NRXN1: variants seen among roughly 807,000 people sequenced by gnomAD.
NRXN1 encodes the protein neurexin-1.
NRXN1 carries 39 observed loss-of-function variants against 150.9 expected under a neutral mutation model. That is an observed-to-expected ratio of 0.26 (90% CI 0.20 to 0.34). The LOEUF (loss-of-function observed/expected upper bound fraction) is 0.34. Ranked by LOEUF, NRXN1 falls within the 10% of genes least tolerant of loss-of-function variation. The pLI is 1.00. For synonymous variants in NRXN1, 924 were observed against 757.0 expected (o/e 1.22, Z -3.62); for missense variants, 1,815 against 1,949.9 (o/e 0.93, Z 1.30).
chr2:50,485,292 C>G (rs1301055495), intron 15 of NRXN1, among the ~76,000 whole-genome samples: 1 of 152,124 alleles, frequency 6.6e-6, no homozygotes, highest in Non-Finnish European at 1.5e-5. Flanking sequence ...GGTTCTAAGG[C>G]CCTTGAACCC....
intron 5 of NRXN1, among the ~76,000 whole-genome samples, chr2:50,650,131 G>A (rs964043779): frequency 1.3e-5 from 2 of 152,014 alleles, no homozygotes; most frequent in African/African-American, 4.8e-5. Context: ...TGTCTGTTCT[G>A]ATAATAATGT....
At chr2:50,468,782 TA>T (rs2089178014) in intron 16 of NRXN1, among the ~76,000 whole-genome samples, 1 of 151,350 alleles carries the variant, frequency 6.6e-6, no homozygotes, top group Non-Finnish European at 1.5e-5. Context: ...ATTTACTCAT[TA>T]AAAAAAGGCA....
intron 15 of NRXN1, among the ~76,000 whole-genome samples, chr2:50,478,793 G>T (rs1281469685): frequency 6.6e-6 from 1 of 152,166 alleles, no homozygotes; most frequent in Non-Finnish European, 1.5e-5. Context: ...CTGCTCTCCA[G>T]ATTGGAAATT....
At chr2:50,988,420 G>A (rs528360093) in intron 2 of NRXN1, among the ~76,000 whole-genome samples, 2 of 152,012 alleles carry the variant, frequency 1.3e-5, no homozygotes, top group Non-Finnish European at 1.5e-5. Context: ...TGACAAACTA[G>A]ACAGTTTTGT....
chr2:50,026,453 T>C (rs1187058483), intron 21 of NRXN1, among the ~76,000 whole-genome samples: 5 of 152,166 alleles, frequency 3.3e-5, no homozygotes, highest in Admixed American at 1.3e-4. Flanking sequence ...TTCCTTCACA[T>C]GGTTATGTTT....
At chr2:50,583,927 T>G (rs1336873427) in intron 8 of NRXN1, among the ~76,000 whole-genome samples, 2 of 152,210 alleles carry the variant, frequency 1.3e-5, no homozygotes, top group African/African-American at 4.8e-5. Context: ...ATTCCTCACC[T>G]TGACCCCAAG....
At chr2:49,990,750 T>A (rs190932811) in intron 21 of NRXN1, among the ~76,000 whole-genome samples, 1 of 152,324 alleles carries the variant, frequency 6.6e-6, no homozygotes, top group Non-Finnish European at 1.5e-5. Flanking sequence ...CATCATGTTA[T>A]TCCTAATACC....
intron 18 of NRXN1, among the ~76,000 whole-genome samples, chr2:50,211,710 C>T (rs1245577568): frequency 6.6e-6 from 1 of 151,236 alleles, no homozygotes; most frequent in African/African-American, 2.4e-5. Context: ...CTAAAAACAA[C>T]AGTATAGTAT....
intron 18 of NRXN1, among the ~76,000 whole-genome samples, chr2:50,147,805 A>C (rs186148649): frequency 1.8e-4 from 28 of 151,820 alleles, no homozygotes; most frequent in Admixed American, 1.6e-3. Flanking sequence ...GCAAATACAA[A>C]ACAGTTATAG....
intron 21 of NRXN1, among the ~76,000 whole-genome samples, chr2:50,041,840 T>C (rs558281761): frequency 2.0e-5 from 3 of 152,166 alleles, no homozygotes; most frequent in Non-Finnish European, 4.4e-5. Context: ...TACGGCACTA[T>C]AACCCAAAAT....
chr2:49,937,163 A>G (rs989667928), intron 22 of NRXN1, among the ~76,000 whole-genome samples: 6 of 152,230 alleles, frequency 3.9e-5, no homozygotes, highest in Non-Finnish European at 8.8e-5. Flanking sequence ...TCCATGCTCC[A>G]AACTGTAAAA....
chr2:51,000,159 G>A (rs1404448217), intron 2 of NRXN1, among the ~76,000 whole-genome samples: 1 of 151,940 alleles, frequency 6.6e-6, no homozygotes, highest in African/African-American at 2.4e-5. Flanking sequence ...TCACTCACAT[G>A]GAGTATTCTC....
intron 17 of NRXN1, among the ~76,000 whole-genome samples, chr2:50,359,191 T>C (rs568552113): frequency 6.6e-6 from 1 of 151,602 alleles, no homozygotes; most frequent in Non-Finnish European, 1.5e-5. Flanking sequence ...AAACCAGAAT[T>C]CCTCTTCTCC....
At position 50,021,851 on chromosome 2, in the gene NRXN1, T is replaced by C. The variant is rs533085328; in HGVS notation, c.4128+31420A>G. 6.6e-5 allele frequency among the ~76,000 whole-genome samples: 10 copies of C among 152,174 alleles called. 1 individual carries two copies. The South Asian group carries it at 2.1e-3, about 32-fold the overall frequency. On this transcript the variant is annotated intron_variant, in intron 21 of 22. Transcript: ENST00000401669. ...GCTACAACATATATGTTAATGGTAA[T>C]ATTTATTTATTTATTTAGAGATGGA...
intron 5 of NRXN1, among the ~76,000 whole-genome samples, chr2:50,797,841 G>A (rs1244007747): frequency 6.6e-6 from 1 of 152,142 alleles, no homozygotes; most frequent in Non-Finnish European, 1.5e-5. Flanking sequence ...GCTTCTCCTA[G>A]AGAAACTGTC....
chr2:50,133,394 A>G (rs963400526), intron 18 of NRXN1, among the ~76,000 whole-genome samples: 1 of 152,210 alleles, frequency 6.6e-6, no homozygotes, highest in African/African-American at 2.4e-5. Flanking sequence ...GTTAGATCAG[A>G]ACAACCACTG....
At chr2:51,000,040 C>T (rs1254684337) in intron 2 of NRXN1, among the ~76,000 whole-genome samples, 1 of 151,988 alleles carries the variant, frequency 6.6e-6, no homozygotes, top group Non-Finnish European at 1.5e-5. Flanking sequence ...TAAAATCTGG[C>T]CTTCAATTAC....
chr2:50,932,786 T>C (rs1351736937), intron 2 of NRXN1, among the ~76,000 whole-genome samples: 1 of 152,080 alleles, frequency 6.6e-6, no homozygotes, highest in Non-Finnish European at 1.5e-5. Context: ...ACTACTGGTA[T>C]CACTTTTTTT....
intron 18 of NRXN1, among the ~76,000 whole-genome samples, chr2:50,204,284 T>G (rs945029374): frequency 3.3e-5 from 5 of 152,092 alleles, no homozygotes; most frequent in Non-Finnish European, 7.4e-5. Flanking sequence ...TTACTTTAAA[T>G]TTTTTGTCAC....
Sources: allele counts gnomAD v4.1 joint callset (sites outside exome capture counted in the v4.1 genomes callset), GRCh38; gene constraint gnomAD v4.1.1; transcripts MANE v1.5; gene names NCBI Gene and HGNC (gene_info 2026-07-23, HGNC 2026-07-21).